The following FSTL5 variants were observed in gnomAD, a reference collection of about 807,000 sequenced individuals.
FSTL5 encodes the protein follistatin-related protein 5.
A neutral mutation model predicts 89.1 loss-of-function variants in FSTL5; 62 were observed. The ratio of observed to expected loss-of-function variants is 0.70; its 90% CI spans 0.57 to 0.86. The LOEUF (loss-of-function observed/expected upper bound fraction) is 0.86. Ranked by LOEUF, FSTL5 falls within the 40% of genes least tolerant of loss-of-function variation. FSTL5 has a pLI of 0.00. For missense variants in FSTL5, 1,057 were observed against 1,001.6 expected (o/e 1.06, Z -0.75); for synonymous variants, 383 against 346.2 (o/e 1.11, Z -1.18).
In FSTL5 at chr4:161,779,222, T is replaced by C. The variant is rs186742588; in HGVS notation, c.410-3148A>G. On this transcript the variant is annotated intron_variant, in intron 4 of 15. Transcript: ENST00000306100. The stretch of plus-strand genomic sequence containing the variant: ...TTTCCTTCCCCAAATTGTTGTAAAT[T>C]TCTTCTCCAGTCCAGAAATTGGGGT... 5.9e-5 allele frequency among the ~76,000 whole-genome samples: 9 copies of C among 152,306 alleles called. No individual in the cohort carries two copies. The East Asian group carries it at 1.3e-3, about 23-fold the overall frequency.
Position 161,476,183 on chromosome 4 carries a change from T to TTTTTG in FSTL5, c.1608+4836_1608+4837insCAAAA, listed in dbSNP as rs1553990025. On this transcript the variant is annotated intron_variant, in intron 13 of 15. Transcript: ENST00000306100. ...TCTTCAAGTTTGCTGGTTTTTTTTT[T>TTTTTG]TTTTTGTTTGTTTGTTTTTTTGAGA... Among the ~76,000 whole-genome samples the TTTTTG allele has an allele frequency of 3.7e-4, 39 of 105,814 alleles. 2 individuals carry two copies. The highest frequency in any genetic ancestry group is 1.3e-3 in the African/African-American group (37 of 28,234). The allele number at this position is 105,814 out of a possible 152,430, so 69.4% of individuals were successfully genotyped here. A position where few individuals can be genotyped will look rare whatever the true frequency, so the allele number is the denominator to read the frequency against.
intron 3 of FSTL5, among the ~76,000 whole-genome samples, chr4:161,961,761 A>G (rs1735184947): frequency 6.6e-6 from 1 of 151,858 alleles, no homozygotes; most frequent in Non-Finnish European, 1.5e-5. Flanking sequence ...TTTAAAAATT[A>G]TAAATCCTAG....
chr4:162,076,356 G>A (rs1285994434), intron 2 of FSTL5, among the ~76,000 whole-genome samples: 4 of 151,850 alleles, frequency 2.6e-5, no homozygotes, highest in African/African-American at 4.8e-5. Context: ...TTTGTATAAC[G>A]CACAGTTGTG....
intron 1 of FSTL5, among the ~76,000 whole-genome samples, chr4:162,140,640 C>T (rs1195460133): frequency 2.0e-5 from 3 of 152,092 alleles, no homozygotes; most frequent in Non-Finnish European, 4.4e-5. Flanking sequence ...TAAGATCATT[C>T]AGACTGATGT....
chr4:161,476,181 T>TTTTTTG lies in FSTL5; in HGVS notation c.1608+4838_1608+4839insCAAAAA, dbSNP rs1553990007. On this transcript the variant is annotated intron_variant, in intron 13 of 15. Coordinates refer to ENST00000306100, the MANE Select transcript of FSTL5 (RefSeq NM_020116.5). ...CTTCTTCAAGTTTGCTGGTTTTTTT[T>TTTTTTG]TTTTTTTGTTTGTTTGTTTTTTTGA... Among the ~76,000 whole-genome samples, 200 of 117,840 alleles carry TTTTTTG rather than the reference T, an allele frequency of 1.7e-3. 12 individuals carry two copies. Among genetic ancestry groups the TTTTTTG allele is most frequent in the African/African-American group, 5.6e-3 (166 of 29,778 alleles). The allele number at this position is 117,840 out of a possible 152,430, so 77.3% of individuals were successfully genotyped here. A position where few individuals can be genotyped will look rare whatever the true frequency, so the allele number is the denominator to read the frequency against.
intron 15 of FSTL5, among the ~76,000 whole-genome samples, chr4:161,446,496 G>C (rs1416357775): frequency 6.6e-6 from 1 of 151,890 alleles, no homozygotes; most frequent in Non-Finnish European, 1.5e-5. Context: ...AATTCATAAA[G>C]TAAGATGCTA....
chr4:161,801,917 T>A (rs2126830172), intron 4 of FSTL5, among the ~76,000 whole-genome samples: 1 of 151,762 alleles, frequency 6.6e-6, no homozygotes, highest in African/African-American at 2.4e-5. Flanking sequence ...TGGAATTATT[T>A]GAAAATGTCT....
At chr4:162,123,182 A>G (rs1026206701) in intron 1 of FSTL5, among the ~76,000 whole-genome samples, 1 of 152,148 alleles carries the variant, frequency 6.6e-6, no homozygotes, top group African/African-American at 2.4e-5. Flanking sequence ...TTATTGTACA[A>G]GAAAAAAAAA....
chr4:161,816,966 ACT>A (rs894664452), intron 4 of FSTL5, among the ~76,000 whole-genome samples: 11 of 152,148 alleles, frequency 7.2e-5, no homozygotes, highest in Non-Finnish European at 1.6e-4. Flanking sequence ...AGTGCTGAAC[ACT>A]CTAAATACAT....
At chr4:161,504,637 C>T (rs921099560) in intron 11 of FSTL5, among the ~76,000 whole-genome samples, 2 of 151,700 alleles carry the variant, frequency 1.3e-5, no homozygotes, top group African/African-American at 2.4e-5. Flanking sequence ...TTTCTATACA[C>T]AGAAAAGACA....
chr4:162,137,500 G>T (rs2111471598), intron 1 of FSTL5, among the ~76,000 whole-genome samples: 1 of 152,054 alleles, frequency 6.6e-6, no homozygotes, highest in African/African-American at 2.4e-5. Context: ...TTAACATTTG[G>T]AACCACATCT....
intron 6 of FSTL5, 94 bp from the exon 7 acceptor site, chr4:161,656,588 AT>A: frequency 1.5e-6 from 1 of 681,450 alleles, no homozygotes; most frequent in Admixed American, 4.0e-5. Context: ...AAGGCTTTTA[AT>A]TTGAATAAAA....
chr4:161,477,266 T>C lies in FSTL5; in HGVS notation c.1608+3754A>G, dbSNP rs1729303908. 2.0e-5 allele frequency among the ~76,000 whole-genome samples: 3 copies of C among 151,164 alleles called. No homozygotes were observed. In the South Asian group the frequency reaches 6.3e-4, roughly 32 times the overall value. On this transcript the variant is annotated intron_variant, in intron 13 of 15. Coordinates refer to ENST00000306100, the MANE Select transcript of FSTL5 (RefSeq NM_020116.5). Reference sequence around the variant, plus strand: ...TCTGCCTTTTTAAGATCTTCCTCTTTGAAGTGACACAACCAAAAGGCAAAA... The same window carrying C: ...TCTGCCTTTTTAAGATCTTCCTCTTCGAAGTGACACAACCAAAAGGCAAAA...
At chr4:161,885,169 G>A (rs2126915139) in intron 4 of FSTL5, among the ~76,000 whole-genome samples, 1 of 152,182 alleles carries the variant, frequency 6.6e-6, no homozygotes, top group South Asian at 2.1e-4. Context: ...TTTGTGTATT[G>A]TAAAATTTGC....
intron 1 of FSTL5, among the ~76,000 whole-genome samples, chr4:162,128,286 G>A (rs577921959): frequency 8.3e-4 from 127 of 152,266 alleles, no homozygotes; most frequent in African/African-American, 2.9e-3. Context: ...GTTTTCATCA[G>A]AAGTTTTGCT....
At chr4:161,843,674 A>G (rs2126873953) in intron 4 of FSTL5, among the ~76,000 whole-genome samples, 1 of 152,286 alleles carries the variant, frequency 6.6e-6, no homozygotes, top group Middle Eastern at 3.4e-3. Flanking sequence ...GACAAACCTA[A>G]CAAAAACAAG....
At chr4:161,556,092 T>C (rs1290453927) in intron 8 of FSTL5, among the ~76,000 whole-genome samples, 7 of 151,596 alleles carry the variant, frequency 4.6e-5, no homozygotes, top group African/African-American at 1.7e-4. Flanking sequence ...AATCTAGGAA[T>C]AGATTTAGTC....
At chr4:161,472,730 C>CTT (rs70937653) in intron 13 of FSTL5, among the ~76,000 whole-genome samples, 2 of 140,002 alleles carry the variant, frequency 1.4e-5, no homozygotes, top group Non-Finnish European at 1.6e-5. Flanking sequence ...TTATATGTAA[C>CTT]TTTTTTTTTT....
At chr4:161,662,520 T>C (rs1004068146) in intron 6 of FSTL5, among the ~76,000 whole-genome samples, 1 of 152,094 alleles carries the variant, frequency 6.6e-6, no homozygotes, top group Non-Finnish European at 1.5e-5. Context: ...ATTAAATGTA[T>C]GTACTTAAGG....
Sources: allele counts gnomAD v4.1 joint callset (sites outside exome capture counted in the v4.1 genomes callset), GRCh38; gene constraint gnomAD v4.1.1; transcripts MANE v1.5; gene names NCBI Gene and HGNC (gene_info 2026-07-23, HGNC 2026-07-21).